SLC35A3: variants seen among roughly 807,000 people sequenced by gnomAD.
The protein encoded by SLC35A3 is solute carrier family 35 member A3.
In SLC35A3, 26 loss-of-function variants were observed where a neutral mutation model predicts 39.0. The observed-to-expected ratio is 0.67, with a 90% confidence interval of 0.49 to 0.92. SLC35A3 has a LOEUF of 0.92. Ranked by LOEUF, SLC35A3 falls within the 40% of genes least tolerant of loss-of-function variation. The probability of loss-of-function intolerance (pLI) is 0.00; values close to 1 mark genes in which losing one functional copy is unlikely to be tolerated. For synonymous variants in SLC35A3, 135 were observed against 133.1 expected (o/e 1.01, Z -0.10); for missense variants, 299 against 371.6 (o/e 0.80, Z 1.61).
At chr1:99,989,946 G>A (rs1006951419) in intron 1 of SLC35A3, among the ~76,000 whole-genome samples, 9 of 151,858 alleles carry the variant, frequency 5.9e-5, no homozygotes, top group Admixed American at 1.3e-4. Flanking sequence ...TTGTAGAACT[G>A]AGGTCTCACT....
chr1:99,975,231 G>A (rs1242745263), intron 1 of SLC35A3, among the ~76,000 whole-genome samples: 1 of 152,066 alleles, frequency 6.6e-6, no homozygotes, highest in Admixed American at 6.6e-5. Flanking sequence ...CTGAGCCACC[G>A]TGTCCAGCCC....
At chr1:99,972,856 A>AT (rs1300216304) in intron 1 of SLC35A3, among the ~76,000 whole-genome samples, 1 of 152,162 alleles carries the variant, frequency 6.6e-6, no homozygotes, top group Non-Finnish European at 1.5e-5. Context: ...CTAGTAATAA[A>AT]TCGTTGGTGT....
At chr1:99,989,535 C>T (rs993981603) in intron 1 of SLC35A3, among the ~76,000 whole-genome samples, 11 of 152,106 alleles carry the variant, frequency 7.2e-5, no homozygotes, top group Non-Finnish European at 1.0e-4. Flanking sequence ...CCACCCACCT[C>T]GGCCTCCCAA....
Position 100,022,762 on chromosome 1 carries a change from G to A in SLC35A3, c.*286G>A. 1 of 220,320 alleles carries A rather than the reference G, an allele frequency of 4.5e-6. No individual in the cohort carries two copies. Among genetic ancestry groups the A allele is most frequent in the East Asian group, 9.7e-5 (1 of 10,290 alleles). 13.6% of individuals were successfully genotyped at this position (220,320 alleles called of 1,614,324 possible). The stretch of plus-strand genomic sequence containing the variant: ...TTACCTTTTTGATTGCTGCAGAAAT[G>A]TCCTATGCACTCTTTGCAAGAGCAC... On this transcript the variant is annotated 3_prime_UTR_variant, in exon 8 of 8. Coordinates refer to ENST00000533028, the MANE Select transcript of SLC35A3 (RefSeq NM_012243.3).
At chr1:99,971,543 G>A (rs929085708) in intron 1 of SLC35A3, among the ~76,000 whole-genome samples, 3 of 152,038 alleles carry the variant, frequency 2.0e-5, no homozygotes, top group Non-Finnish European at 1.5e-5. Context: ...TCCTGACCTC[G>A]TGATCCACCC....
rs753997682 is a variant in SLC35A3, at chr1:99,993,627, C to T, written c.73C>T (p.Arg25Cys). 19 of 1,613,702 alleles carry T rather than the reference C, an allele frequency of 1.2e-5. No individual in the cohort carries two copies. The highest frequency in any genetic ancestry group is 5.0e-5 in the Admixed American group (3 of 59,972). Residue 25 changes from arginine (R) to cysteine (C), a missense_variant, in exon 2 of 8, where the codon CGT becomes TGT. Physicochemically the swap from Arg to Cys is radical, Grantham distance 180. Coordinates refer to ENST00000533028, the MANE Select transcript of SLC35A3 (RefSeq NM_012243.3). ...GACTACCAGTTTGGTTCTAACAATG[C>T]GTTATTCCAGAACTTTAAAAGAAGA... ...FQTTSLVLTM[R>C]YSRTLKEEGP... is the part of the protein sequence containing the mutation.
At position 100,022,770 on chromosome 1, in the gene SLC35A3, C is replaced by T; in HGVS notation, c.*294C>T. On this transcript the variant is annotated 3_prime_UTR_variant, in exon 8 of 8. Coordinates refer to ENST00000533028, the MANE Select transcript of SLC35A3 (RefSeq NM_012243.3). The stretch of plus-strand genomic sequence containing the variant: ...TTGATTGCTGCAGAAATGTCCTATG[C>T]ACTCTTTGCAAGAGCACACAACAAA... 4.9e-6 allele frequency: 1 copy of T among 204,082 alleles called. No individual in the cohort carries two copies. The highest frequency in any genetic ancestry group is 9.8e-6 in the Non-Finnish European group (1 of 102,454). 12.6% of individuals were successfully genotyped at this position (204,082 alleles called of 1,614,324 possible).
intron 2 of SLC35A3, among the ~76,000 whole-genome samples, chr1:99,995,646 C>T (rs1329880170): frequency 1.3e-5 from 2 of 152,000 alleles, no homozygotes; most frequent in African/African-American, 4.8e-5. Flanking sequence ...CTGCTTTTTG[C>T]ATCATATAAG....
At position 100,022,535 on chromosome 1, in the gene SLC35A3, C is replaced by G. The variant is rs1660631329; in HGVS notation, c.*59C>G. The G allele has an allele frequency of 1.3e-5, 11 of 868,740 alleles. No homozygotes were observed. In the Admixed American group the frequency reaches 1.5e-4, roughly 12 times the overall value. The allele number at this position is 868,740 out of a possible 1,614,324, so 53.8% of individuals were successfully genotyped here. A position where few individuals can be genotyped will look rare whatever the true frequency, so the allele number is the denominator to read the frequency against. ...GGGCACTAGGAATCTCGACATTAAT[C>G]TTGCACAGAGGACTTCTACAGAGTC... On this transcript the variant is annotated 3_prime_UTR_variant, in exon 8 of 8. Transcript: ENST00000533028.
chr1:99,980,359 G>A (rs1657387234), intron 1 of SLC35A3, among the ~76,000 whole-genome samples: 2 of 152,138 alleles, frequency 1.3e-5, no homozygotes, highest in African/African-American at 2.4e-5. Flanking sequence ...AGGGTGGGAA[G>A]GAGTAAGTTC....
intron 1 of SLC35A3, among the ~76,000 whole-genome samples, chr1:99,983,263 A>C (rs1479148934): frequency 6.6e-6 from 1 of 151,988 alleles, no homozygotes; most frequent in Non-Finnish European, 1.5e-5. Context: ...GTTGGGGGCC[A>C]GGCGCGGTGG....
At chr1:99,987,527 G>A (rs1449225335) in intron 1 of SLC35A3, among the ~76,000 whole-genome samples, 2 of 152,112 alleles carry the variant, frequency 1.3e-5, no homozygotes, top group Non-Finnish European at 2.9e-5. Flanking sequence ...CGTGTTTGGA[G>A]CATATTCAGT....
chr1:99,997,066 A>G (rs1392659781), intron 2 of SLC35A3, among the ~76,000 whole-genome samples: 1 of 151,704 alleles, frequency 6.6e-6, no homozygotes, highest in African/African-American at 2.4e-5. Flanking sequence ...TCTCTAAAGG[A>G]TCTTTGGCCA....
intron 1 of SLC35A3, among the ~76,000 whole-genome samples, chr1:99,988,381 G>A (rs1400954557): frequency 1.3e-5 from 2 of 151,682 alleles, no homozygotes; most frequent in Non-Finnish European, 2.9e-5. Context: ...TTTTATAGCT[G>A]AGCATTATTC....
At chr1:100,021,663 C>A (rs1006610441) in intron 7 of SLC35A3, among the ~76,000 whole-genome samples, 2 of 151,856 alleles carry the variant, frequency 1.3e-5, no homozygotes, top group African/African-American at 4.8e-5. Context: ...CTGAGTGAGA[C>A]CCTGTCTTTA....
chr1:99,997,410 T>TATATA lies in SLC35A3; in HGVS notation c.188-1851_188-1850insATATA, dbSNP rs1658469252. On this transcript the variant is annotated intron_variant, in intron 2 of 7. Coordinates refer to ENST00000533028, the MANE Select transcript of SLC35A3 (RefSeq NM_012243.3). ...ACAGTTATATGTTTTATATATAGTT[T>TATATA]TATATATATATATATATATATATAT... is the stretch of plus-strand genomic sequence containing the variant. 1.8e-3 allele frequency among the ~76,000 whole-genome samples: 165 copies of TATATA among 92,090 alleles called. 8 individuals are homozygous for TATATA. Among genetic ancestry groups the TATATA allele is most frequent in the African/African-American group, 3.1e-3 (57 of 18,658 alleles). The allele number at this position is 92,090 out of a possible 152,430, so 60.4% of individuals were successfully genotyped here.
At chr1:99,978,530 A>G (rs72965749) in intron 1 of SLC35A3, among the ~76,000 whole-genome samples, 6,964 of 152,278 alleles carry the variant, frequency 0.046, 366 homozygotes, top group African/African-American at 0.12. Flanking sequence ...TGTTTCAAAA[A>G]ATATAAAATA....
At chr1:100,000,582 A>G (rs1658703631) in intron 3 of SLC35A3, 1 of 151,568 alleles carries the variant, frequency 6.6e-6, no homozygotes, top group South Asian at 2.1e-4. Context: ...CCATTATTCT[A>G]TTTTTGTTTT....
chr1:100,015,784 G>A, intron 6 of SLC35A3: 1 of 212,010 alleles, frequency 4.7e-6, no homozygotes, highest in Non-Finnish European at 9.2e-6. Flanking sequence ...ATTTAATTCT[G>A]TGACAGTTCA....
Sources: allele counts gnomAD v4.1 joint callset (sites outside exome capture counted in the v4.1 genomes callset), GRCh38; gene constraint gnomAD v4.1.1; transcripts MANE v1.5; gene names NCBI Gene and HGNC (gene_info 2026-07-23, HGNC 2026-07-21).